Variants in FSTL4 observed in about 807,000 individuals in gnomAD.
The protein encoded by FSTL4 is follistatin like 4.
FSTL4 carries 28 observed loss-of-function variants against 78.2 expected under a neutral mutation model. The observed-to-expected ratio is 0.36, with a 90% CI of 0.27 to 0.49. The LOEUF is 0.49. Ranked by LOEUF, FSTL4 falls within the 20% of genes least tolerant of loss-of-function variation. FSTL4 has a pLI of 0.98. For synonymous variants in FSTL4, 422 were observed against 440.5 expected (o/e 0.96, Z 0.53); for missense variants, 922 against 1,084.9 (o/e 0.85, Z 2.11).
rs773463234 is a variant in FSTL4, at chr5:133,509,541, A to T, written c.160+57645T>A. Among the ~76,000 whole-genome samples, 29 of 152,232 alleles carry T rather than the reference A, an allele frequency of 1.9e-4. 1 individual carries two copies. The highest frequency in any genetic ancestry group is 4.6e-4 in the Admixed American group (7 of 15,286). ...CCAATTTATCCCAAGAAAACCTTTTAAGGGGTTGAGACCAATGAGTGTTCA... is the reference window on the plus strand; with the variant it reads ...CCAATTTATCCCAAGAAAACCTTTTTAGGGGTTGAGACCAATGAGTGTTCA... On this transcript the variant is annotated intron_variant, in intron 3 of 15. Transcript: ENST00000265342.
At chr5:133,209,961 A>G (rs929367892) in intron 14 of FSTL4, 4 of 422,402 alleles carry the variant, frequency 9.5e-6, no homozygotes, top group African/African-American at 2.0e-5. Flanking sequence ...TGGGTGCCAC[A>G]TTCTGATTGT....
At chr5:133,469,227 A>G (rs1757769756) in intron 3 of FSTL4, among the ~76,000 whole-genome samples, 1 of 152,188 alleles carries the variant, frequency 6.6e-6, no homozygotes, top group Non-Finnish European at 1.5e-5. Flanking sequence ...AATGGCGATC[A>G]AGGTGATAGA....
chr5:133,251,325 G>T (rs975025832), intron 6 of FSTL4, among the ~76,000 whole-genome samples: 1 of 152,140 alleles, frequency 6.6e-6, no homozygotes, highest in East Asian at 1.9e-4. Context: ...TGACCACGAG[G>T]CTCCCCTGGG....
the FSTL4 span, among the ~76,000 whole-genome samples, chr5:133,764,560 C>A: frequency 6.6e-6 from 1 of 152,020 alleles, no homozygotes; most frequent in Non-Finnish European, 1.5e-5. Flanking sequence ...TCCCCCAAAA[C>A]AATGCACCTA....
rs112657706 is a variant in FSTL4 at position 133,283,239 on chromosome 5, C to CGTGT, written c.727+29411_727+29414dup. Among the ~76,000 whole-genome samples the CGTGT allele has an allele frequency of 7.7e-3, 1,145 of 148,786 alleles. 11 individuals are homozygous for CGTGT. The highest frequency in any genetic ancestry group is 0.025 in the African/African-American group (1,008 of 40,610). ...GGGTCCTCTGGGCCTTTAAGCCTAG[C>CGTGT]GTGTGTGTGTGTGTGTGTGTGTGTC... On this transcript the variant is annotated intron_variant, in intron 6 of 15. Transcript: ENST00000265342.
chr5:133,833,970 C>G, the FSTL4 span, among the ~76,000 whole-genome samples: 1 of 152,230 alleles, frequency 6.6e-6, no homozygotes, highest in East Asian at 1.9e-4. Flanking sequence ...AGACGTGTCC[C>G]TATTTTGATC....
At chr5:133,218,758 C>T (rs921241587) in intron 12 of FSTL4, among the ~76,000 whole-genome samples, 2 of 152,162 alleles carry the variant, frequency 1.3e-5, no homozygotes, top group Non-Finnish European at 2.9e-5. Flanking sequence ...TCTCTGACCT[C>T]GTCTATCTCA....
chr5:133,804,711 G>A, the FSTL4 span, among the ~76,000 whole-genome samples: 4 of 151,782 alleles, frequency 2.6e-5, no homozygotes, highest in East Asian at 3.9e-4. Context: ...ATGTTGGGCC[G>A]AGGCAGGTGT....
intron 4 of FSTL4, among the ~76,000 whole-genome samples, chr5:133,347,725 C>T (rs890054915): frequency 6.6e-6 from 1 of 152,172 alleles, no homozygotes; most frequent in Non-Finnish European, 1.5e-5. Flanking sequence ...CTCAAGAGGA[C>T]CTTGAATAAG....
the FSTL4 span, among the ~76,000 whole-genome samples, chr5:133,650,203 AC>A: frequency 0.2 from 29,675 of 152,018 alleles, 3,001 homozygotes; most frequent in Middle Eastern, 0.41. Context: ...TGAAGGATTC[AC>A]CCCCATGACC....
chr5:133,546,808 C>T (rs1580780746), intron 3 of FSTL4, among the ~76,000 whole-genome samples: 1 of 152,102 alleles, frequency 6.6e-6, no homozygotes, highest in East Asian at 1.9e-4. Flanking sequence ...ACTCCTCTGC[C>T]AACCCAGCCA....
At position 133,345,054 on chromosome 5, in the gene FSTL4, C is replaced by T. The variant is rs555364134; in HGVS notation, c.410-28402G>A. Among the ~76,000 whole-genome samples, 1,086 of 151,380 alleles carry T rather than the reference C, an allele frequency of 7.2e-3. 5 individuals carry two copies. The highest frequency in any genetic ancestry group is 0.031 in the Middle Eastern group (9 of 290). ...AACGATCTCCACTCACTGCAAGCTC[C>T]GCCTCCCGGGTTCACGCCATTCTCC... is the stretch of plus-strand genomic sequence containing the variant. On this transcript the variant is annotated intron_variant, in intron 4 of 15. Coordinates refer to ENST00000265342, the MANE Select transcript of FSTL4 (RefSeq NM_015082.2).
At chr5:133,626,968 G>A in the FSTL4 span, among the ~76,000 whole-genome samples, 2 of 152,020 alleles carry the variant, frequency 1.3e-5, no homozygotes, top group Admixed American at 6.6e-5. Flanking sequence ...TCTAACAGTT[G>A]TTGAGAGAGC....
chr5:133,604,120 T>G, intron 1 of FSTL4, 127 bp from the exon 2 acceptor site: 2 of 672,826 alleles, frequency 3.0e-6, no homozygotes, highest in South Asian at 3.7e-5. Flanking sequence ...CAAACTTCTG[T>G]TCTACCTTGG....
Position 133,209,393 on chromosome 5 carries a change from TGAGA to T in FSTL4, c.1716+794_1716+797del, listed in dbSNP as rs150058257. Among the ~76,000 whole-genome samples the T allele has an allele frequency of 1.6e-4, 24 of 150,794 alleles. No individual in the cohort carries two copies. In the East Asian group the frequency reaches 3.1e-3, roughly 20 times the overall value. On this transcript the variant is annotated intron_variant, in intron 14 of 15. Transcript: ENST00000265342. ...TTGCAGCCCTTCTCACCTTGGGTTC[TGAGA>T]GAGAGAGAGAGAGACCCTAATCTCC...
At chr5:133,464,898 C>T (rs1234391094) in intron 3 of FSTL4, among the ~76,000 whole-genome samples, 3 of 152,302 alleles carry the variant, frequency 2.0e-5, no homozygotes, top group Middle Eastern at 3.4e-3. Context: ...GGAGCAGTCT[C>T]TACTCAACCA....
chr5:133,683,633 A>G, the FSTL4 span, among the ~76,000 whole-genome samples: 95 of 152,294 alleles, frequency 6.2e-4, no homozygotes, highest in African/African-American at 2.2e-3. Context: ...ATGCTAATAC[A>G]TATTCCTAAC....
the FSTL4 span, among the ~76,000 whole-genome samples, chr5:133,701,262 G>T: frequency 6.6e-6 from 1 of 152,016 alleles, no homozygotes; most frequent in Admixed American, 6.5e-5. Context: ...AATTAGCCAG[G>T]CATGGTGGCA....
intron 4 of FSTL4, among the ~76,000 whole-genome samples, chr5:133,357,831 T>C (rs556533312): frequency 7.9e-5 from 12 of 152,290 alleles, no homozygotes; most frequent in African/African-American, 2.9e-4. Context: ...AGGAGAAGTG[T>C]GCTAGGGCCA....
Sources: allele counts gnomAD v4.1 joint callset (sites outside exome capture counted in the v4.1 genomes callset), GRCh38; gene constraint gnomAD v4.1.1; transcripts MANE v1.5; gene names NCBI Gene and HGNC (gene_info 2026-07-23, HGNC 2026-07-21).